The following NXPH1 variants were observed in gnomAD, a reference collection of about 807,000 sequenced individuals.
NXPH1 encodes neurexophilin 1.
NXPH1 carries 5 observed loss-of-function variants against 23.7 expected under a neutral mutation model. The ratio of observed to expected loss-of-function variants is 0.21; its 90% CI spans 0.11 to 0.44. The LOEUF (loss-of-function observed/expected upper bound fraction) is 0.44, where lower values mean the gene tolerates loss of function less well. Ranked by LOEUF, NXPH1 falls within the 20% of genes least tolerant of loss-of-function variation. The probability of loss-of-function intolerance (pLI) is 0.99; values close to 1 mark genes in which losing one functional copy is unlikely to be tolerated. For synonymous variants in NXPH1, 144 were observed against 122.2 expected (o/e 1.18, Z -1.18); for missense variants, 324 against 321.6 (o/e 1.01, Z -0.06).
At chr7:8,646,976 A>T (rs971212940) in intron 2 of NXPH1, among the ~76,000 whole-genome samples, 1 of 151,690 alleles carries the variant, frequency 6.6e-6, no homozygotes, top group Admixed American at 6.6e-5. Context: ...GGCACTGGGG[A>T]GGGGAGGAGA....
intron 2 of NXPH1, among the ~76,000 whole-genome samples, chr7:8,673,143 A>G (rs1820896501): frequency 6.6e-6 from 1 of 152,192 alleles, no homozygotes; most frequent in South Asian, 2.1e-4. Context: ...GCCTGTCAAA[A>G]TACCACCACC....
intron 2 of NXPH1, among the ~76,000 whole-genome samples, chr7:8,709,130 A>G (rs966799477): frequency 5.3e-5 from 8 of 152,222 alleles, no homozygotes; most frequent in Non-Finnish European, 1.2e-4. Flanking sequence ...TTCTCCAAAT[A>G]AGAGTATTTG....
At chr7:8,452,995 G>A (rs1816532974) in intron 2 of NXPH1, among the ~76,000 whole-genome samples, 1 of 152,040 alleles carries the variant, frequency 6.6e-6, no homozygotes, top group Non-Finnish European at 1.5e-5. Flanking sequence ...ATGTACCCCA[G>A]GAATATAGTA....
At chr7:8,536,381 T>C (rs1248093653) in intron 2 of NXPH1, among the ~76,000 whole-genome samples, 1 of 152,006 alleles carries the variant, frequency 6.6e-6, no homozygotes, top group Non-Finnish European at 1.5e-5. Context: ...TTTTTTGTGA[T>C]TGCATTGTGT....
At chr7:8,645,491 T>C (rs1324725023) in intron 2 of NXPH1, among the ~76,000 whole-genome samples, 1 of 152,114 alleles carries the variant, frequency 6.6e-6, no homozygotes, top group African/African-American at 2.4e-5. Flanking sequence ...TTGCACATTT[T>C]ATTGGCATCT....
intron 2 of NXPH1, among the ~76,000 whole-genome samples, chr7:8,503,827 C>T (rs1357902048): frequency 6.6e-6 from 1 of 151,968 alleles, no homozygotes; most frequent in Non-Finnish European, 1.5e-5. Flanking sequence ...ACTGCATTAG[C>T]CTTCCTGAAT....
At chr7:8,699,738 G>T (rs999543646) in intron 2 of NXPH1, among the ~76,000 whole-genome samples, 2 of 152,030 alleles carry the variant, frequency 1.3e-5, no homozygotes, top group Admixed American at 6.6e-5. Flanking sequence ...CTTTGCATTG[G>T]AAATTGATGT....
At chr7:8,456,102 T>C (rs181048915) in intron 2 of NXPH1, among the ~76,000 whole-genome samples, 22 of 152,308 alleles carry the variant, frequency 1.4e-4, no homozygotes, top group Admixed American at 3.3e-4. Context: ...TTGTCTTACC[T>C]GGGTTACACG....
At chr7:8,683,036 A>C (rs997424145) in intron 2 of NXPH1, among the ~76,000 whole-genome samples, 7 of 152,208 alleles carry the variant, frequency 4.6e-5, no homozygotes, top group African/African-American at 1.7e-4. Context: ...CTTGTGAAGA[A>C]GAGGTGTTTA....
At chr7:8,744,144 C>A (rs1490078012) in intron 2 of NXPH1, among the ~76,000 whole-genome samples, 5 of 152,150 alleles carry the variant, frequency 3.3e-5, no homozygotes, top group Non-Finnish European at 7.4e-5. Context: ...GTCTATGCCC[C>A]TATTTGTATA....
chr7:8,516,875 A>G (rs2128614936), intron 2 of NXPH1, among the ~76,000 whole-genome samples: 1 of 152,296 alleles, frequency 6.6e-6, no homozygotes, highest in South Asian at 2.1e-4. Context: ...GTGGATGGAA[A>G]GAAAGAGGGC....
intron 2 of NXPH1, among the ~76,000 whole-genome samples, chr7:8,558,215 T>C (rs1033003944): frequency 6.7e-6 from 1 of 148,240 alleles, no homozygotes; most frequent in African/African-American, 2.6e-5. Context: ...AAATTGTATC[T>C]GTTTATTTGG....
At chr7:8,492,772 C>T (rs1434377982) in intron 2 of NXPH1, among the ~76,000 whole-genome samples, 1 of 151,970 alleles carries the variant, frequency 6.6e-6, no homozygotes, top group Non-Finnish European at 1.5e-5. Context: ...GCACTTAGAA[C>T]TAATGCCATG....
At chr7:8,657,202 G>GAATT (rs1820597544) in intron 2 of NXPH1, among the ~76,000 whole-genome samples, 3 of 152,260 alleles carry the variant, frequency 2.0e-5, no homozygotes, top group South Asian at 4.1e-4. Context: ...TTGAAATTCT[G>GAATT]AATTAAAAGA....
intron 2 of NXPH1, among the ~76,000 whole-genome samples, chr7:8,511,457 C>T (rs1021923858): frequency 9.9e-5 from 15 of 152,122 alleles, no homozygotes; most frequent in Non-Finnish European, 1.9e-4. Flanking sequence ...CTGTCTGGCA[C>T]CCTGCTCCCT....
At chr7:8,467,312 A>G (rs997522498) in intron 2 of NXPH1, among the ~76,000 whole-genome samples, 1 of 152,196 alleles carries the variant, frequency 6.6e-6, no homozygotes, top group Non-Finnish European at 1.5e-5. Context: ...ATGAGGAGCC[A>G]CAGAAACATC....
At chr7:8,701,665 G>A (rs1349104678) in intron 2 of NXPH1, among the ~76,000 whole-genome samples, 1 of 152,056 alleles carries the variant, frequency 6.6e-6, no homozygotes, top group African/African-American at 2.4e-5. Flanking sequence ...TTCTGCACTT[G>A]TGTTTTAATC....
chr7:8,680,012 C>T (rs1214132300), intron 2 of NXPH1, among the ~76,000 whole-genome samples: 1 of 152,238 alleles, frequency 6.6e-6, no homozygotes. Flanking sequence ...CAGAGCGAGA[C>T]TACGTCTCAA....
At chr7:8,436,096 T>G (rs1301261626) in intron 2 of NXPH1, among the ~76,000 whole-genome samples, 1 of 152,120 alleles carries the variant, frequency 6.6e-6, no homozygotes, top group Non-Finnish European at 1.5e-5. Flanking sequence ...GCAGGAACTC[T>G]CAGTAGCTCA....
Sources: allele counts gnomAD v4.1 joint callset (sites outside exome capture counted in the v4.1 genomes callset), GRCh38; gene constraint gnomAD v4.1.1; transcripts MANE v1.5; gene names NCBI Gene and HGNC (gene_info 2026-07-23, HGNC 2026-07-21).